Variants in CDH12 observed in about 807,000 individuals in gnomAD.
The protein encoded by CDH12 is cadherin-12.
CDH12 carries 41 observed loss-of-function variants against 74.1 expected under a neutral mutation model. That is an observed-to-expected ratio of 0.55 (90% CI 0.43 to 0.72). The LOEUF (loss-of-function observed/expected upper bound fraction) is 0.72, where lower values mean the gene tolerates loss of function less well. Ranked by LOEUF, CDH12 falls within the 30% of genes least tolerant of loss-of-function variation. The pLI, the probability that CDH12 is intolerant of heterozygous loss-of-function variation, is 0.00. For missense variants in CDH12, 945 were observed against 977.2 expected (o/e 0.97, Z 0.44); for synonymous variants, 399 against 355.0 (o/e 1.12, Z -1.39).
chr5:21,820,473 GTGTGT>G (rs1389315026), intron 8 of CDH12, among the ~76,000 whole-genome samples: 2 of 151,964 alleles, frequency 1.3e-5, no homozygotes, highest in Non-Finnish European at 2.9e-5. Flanking sequence ...TACTTTTTGT[GTGTGT>G]TAAGTTTTAG....
chr5:22,130,935 C>T (rs1028113757), intron 4 of CDH12, among the ~76,000 whole-genome samples: 33 of 151,778 alleles, frequency 2.2e-4, no homozygotes, highest in Admixed American at 3.9e-4. Flanking sequence ...TGACATCATA[C>T]ATGTGCATTA....
At position 22,683,764 on chromosome 5, in the gene CDH12, C is replaced by T. The variant is rs79172719; in HGVS notation, c.-523+169294G>A. Among the ~76,000 whole-genome samples, 277 of 152,264 alleles carry T rather than the reference C, an allele frequency of 1.8e-3. 1 individual carries two copies. Among genetic ancestry groups the T allele is most frequent in the African/African-American group, 6.1e-3 (254 of 41,568 alleles). The stretch of plus-strand genomic sequence containing the variant: ...AAATTTCAAGTATGGAAAAAGGTTT[C>T]GTTTAGCATTATACTCTACAAGCAC... On this transcript the variant is annotated intron_variant, in intron 1 of 14. Coordinates refer to ENST00000382254, the MANE Select transcript of CDH12 (RefSeq NM_004061.5).
chr5:22,293,303 G>A (rs538067273), intron 3 of CDH12, among the ~76,000 whole-genome samples: 1 of 152,114 alleles, frequency 6.6e-6, no homozygotes, highest in Non-Finnish European at 1.5e-5. Flanking sequence ...TGCTCTTGCA[G>A]TGACCAGAAG....
At chr5:22,285,764 T>C (rs1019209611) in intron 3 of CDH12, among the ~76,000 whole-genome samples, 16 of 152,136 alleles carry the variant, frequency 1.1e-4, no homozygotes, top group African/African-American at 3.9e-4. Flanking sequence ...TTTTATTATA[T>C]GCTGGAAACT....
intron 1 of CDH12, among the ~76,000 whole-genome samples, chr5:22,604,196 T>C (rs1394241192): frequency 6.6e-6 from 1 of 152,174 alleles, no homozygotes; most frequent in African/African-American, 2.4e-5. Context: ...AAGTTATTGT[T>C]AGGTGGTAAG....
At chr5:22,210,914 T>C (rs1240790720) in intron 4 of CDH12, among the ~76,000 whole-genome samples, 1 of 151,896 alleles carries the variant, frequency 6.6e-6, no homozygotes, top group African/African-American at 2.4e-5. Context: ...TCTTTAATTC[T>C]ATTGAGAAAT....
At chr5:21,880,733 A>C (rs1274464934) in intron 6 of CDH12, among the ~76,000 whole-genome samples, 1 of 141,934 alleles carries the variant, frequency 7.0e-6, no homozygotes, top group Admixed American at 7.5e-5. Flanking sequence ...TTTTGCCCTA[A>C]CATTTGTTTA....
At chr5:22,810,442 T>C (rs566213628) in intron 1 of CDH12, among the ~76,000 whole-genome samples, 2 of 152,308 alleles carry the variant, frequency 1.3e-5, no homozygotes, top group South Asian at 4.1e-4. Context: ...TTAACTTTTA[T>C]ATTCCAAGGG....
At chr5:21,890,972 A>C (rs180846054) in intron 6 of CDH12, among the ~76,000 whole-genome samples, 3 of 152,220 alleles carry the variant, frequency 2.0e-5, no homozygotes, top group East Asian at 1.9e-4. Flanking sequence ...TATCCAAAGT[A>C]TATAAACCCC....
chr5:22,585,247 C>T (rs1355034019), intron 1 of CDH12, among the ~76,000 whole-genome samples: 1 of 152,092 alleles, frequency 6.6e-6, no homozygotes, highest in Non-Finnish European at 1.5e-5. Context: ...TCCATTGTTG[C>T]TGCTGGGGTG....
intron 1 of CDH12, among the ~76,000 whole-genome samples, chr5:22,564,107 G>C (rs1193667428): frequency 6.6e-6 from 1 of 152,028 alleles, no homozygotes; most frequent in Admixed American, 6.6e-5. Flanking sequence ...CAACCACACC[G>C]TTCTCTAGAA....
At chr5:22,054,587 C>T (rs1001891074) in intron 5 of CDH12, among the ~76,000 whole-genome samples, 1 of 151,856 alleles carries the variant, frequency 6.6e-6, no homozygotes, top group East Asian at 1.9e-4. Context: ...AAGATCTGCC[C>T]ATGTCTTAGC....
At position 21,957,396 on chromosome 5, in the gene CDH12, G is replaced by A. The variant is rs1191698236; in HGVS notation, c.526+17695C>T. On this transcript the variant is annotated intron_variant, in intron 6 of 14. Coordinates refer to ENST00000382254, the MANE Select transcript of CDH12 (RefSeq NM_004061.5). ...AACATTTGTGTGCATGTGTCTTTAT[G>A]GTAGAATGATATATTTTCTTCTGGG... Among the ~76,000 whole-genome samples, 3 of 152,040 alleles carry A rather than the reference G, an allele frequency of 2.0e-5. No individual in the cohort carries two copies. The East Asian group carries it at 5.8e-4, about 29-fold the overall frequency.
intron 12 of CDH12, among the ~76,000 whole-genome samples, chr5:21,761,903 A>C (rs1744747927): frequency 6.6e-6 from 1 of 152,148 alleles, no homozygotes; most frequent in South Asian, 2.1e-4. Context: ...TTAGTCACAC[A>C]GACTCTATTT....
intron 4 of CDH12, among the ~76,000 whole-genome samples, chr5:22,153,958 GTATA>G (rs1261044960): frequency 7.0e-5 from 10 of 143,234 alleles, no homozygotes; most frequent in African/African-American, 2.6e-4. Flanking sequence ...GTGTATATGT[GTATA>G]TATACACACA....
chr5:22,408,111 C>G (rs1369425025), intron 2 of CDH12, among the ~76,000 whole-genome samples: 2 of 152,014 alleles, frequency 1.3e-5, no homozygotes, highest in African/African-American at 4.8e-5. Flanking sequence ...CATCAACAGT[C>G]ATATGGACTA....
intron 6 of CDH12, among the ~76,000 whole-genome samples, chr5:21,949,424 T>C (rs1755730094): frequency 6.8e-6 from 1 of 147,192 alleles, no homozygotes. Context: ...CACTCCAGCC[T>C]GTGCGACAGA....
chr5:22,175,822 C>A (rs1315761524), intron 4 of CDH12, among the ~76,000 whole-genome samples: 1 of 152,072 alleles, frequency 6.6e-6, no homozygotes, highest in African/African-American at 2.4e-5. Flanking sequence ...ACTGGATCAG[C>A]TCACCTGAAC....
At chr5:21,903,920 C>T (rs187112028) in intron 6 of CDH12, among the ~76,000 whole-genome samples, 21 of 152,142 alleles carry the variant, frequency 1.4e-4, no homozygotes, top group Admixed American at 4.6e-4. Context: ...AAGCCATCAA[C>T]GACATCATTC....
Sources: allele counts gnomAD v4.1 joint callset (sites outside exome capture counted in the v4.1 genomes callset), GRCh38; gene constraint gnomAD v4.1.1; transcripts MANE v1.5; gene names NCBI Gene and HGNC (gene_info 2026-07-23, HGNC 2026-07-21).